CD36: variants seen among roughly 807,000 people sequenced by gnomAD.
CD36 encodes the protein platelet glycoprotein 4.
In CD36, 119 loss-of-function variants were observed where a neutral mutation model predicts 55.2. The ratio of observed to expected loss-of-function variants is 2.15; its 90% confidence interval spans 1.86 to 2.51. CD36 has a LOEUF of 2.51. Ranked by LOEUF, CD36 falls within the 30% of genes most tolerant of loss-of-function variation. The pLI, the probability that CD36 is intolerant of heterozygous loss-of-function variation, is 0.00. For synonymous variants in CD36, 186 were observed against 193.6 expected, an observed-to-expected ratio of 0.96 and a Z score of 0.33; for missense variants, 819 against 555.5, an observed-to-expected ratio of 1.47 and a Z score of -4.77.
At chr7:80,647,605 A>G (rs1795268727) in intron 3 of CD36, among the ~76,000 whole-genome samples, 1 of 152,132 alleles carries the variant, frequency 6.6e-6, no homozygotes, top group Non-Finnish European at 1.5e-5. Flanking sequence ...ACGTTGATTG[A>G]TAGGGGGAAG....
chr7:80,614,076 T>C (rs750175764), intron 1 of CD36, among the ~76,000 whole-genome samples: 10 of 152,186 alleles, frequency 6.6e-5, no homozygotes, highest in Admixed American at 1.3e-4. Context: ...TTAATGCCAA[T>C]CAGCTTTCTT....
intron 7 of CD36, chr7:80,666,190 A>T: frequency 4.5e-6 from 2 of 448,404 alleles, no homozygotes; most frequent in Non-Finnish European, 4.0e-6. Flanking sequence ...TTTTTTTCTT[A>T]TTCCAAGATG....
chr7:80,621,335 A>G (rs1298346647), intron 1 of CD36, among the ~76,000 whole-genome samples: 3 of 152,228 alleles, frequency 2.0e-5, no homozygotes, highest in Admixed American at 2.0e-4. Flanking sequence ...GTATCTGCAG[A>G]GGATGCCTAT....
chr7:80,620,189 C>A (rs186474157), intron 1 of CD36, among the ~76,000 whole-genome samples: 23 of 152,116 alleles, frequency 1.5e-4, no homozygotes, highest in Admixed American at 5.9e-4. Flanking sequence ...TCCACACACA[C>A]ACCAAGCAGC....
At chr7:80,611,245 C>G (rs553207334) in intron 1 of CD36, among the ~76,000 whole-genome samples, 53 of 152,262 alleles carry the variant, frequency 3.5e-4, no homozygotes, top group Non-Finnish European at 6.6e-4. Flanking sequence ...GCTCTGCCCC[C>G]CTGTTGTGAC....
intron 1 of CD36, among the ~76,000 whole-genome samples, chr7:80,611,271 G>T (rs916889029): frequency 1.3e-5 from 2 of 152,168 alleles, no homozygotes; most frequent in Non-Finnish European, 2.9e-5. Flanking sequence ...CATGTTTCTT[G>T]TCTCAGCCTG....
intron 3 of CD36, 115 bp from the exon 4 acceptor site, chr7:80,656,425 T>C (rs1796072613): frequency 1.2e-6 from 1 of 814,526 alleles, no homozygotes; most frequent in Non-Finnish European, 2.1e-6. Context: ...TTCTCATGAA[T>C]GAGGTACTTG....
chr7:80,620,332 G>T (rs1366883039), intron 1 of CD36, among the ~76,000 whole-genome samples: 3 of 152,100 alleles, frequency 2.0e-5, no homozygotes, highest in Non-Finnish European at 4.4e-5. Flanking sequence ...CAAGTCTCCA[G>T]GACTACCGAC....
Position 80,604,350 on chromosome 7 carries a change from A to ATTTTTTTTTTTTTTT in CD36, c.-184+1997_-184+2011dup, listed in dbSNP as rs67213422. Among the ~76,000 whole-genome samples the ATTTTTTTTTTTTTTT allele has an allele frequency of 1.4e-3, 76 of 54,280 alleles. 10 individuals are homozygous for ATTTTTTTTTTTTTTT. The highest frequency in any genetic ancestry group is 3.4e-3 in the South Asian group (6 of 1,744). 35.6% of individuals were successfully genotyped at this position (54,280 alleles called of 152,430 possible). Reference sequence around the variant, plus strand: ...TACAGTAATTGGCTAAGCCACTGGAATTTTTTTTTTTTTTTTTTTTTTTTT... The same window carrying ATTTTTTTTTTTTTTT: ...TACAGTAATTGGCTAAGCCACTGGAATTTTTTTTTTTTTTTTTTTTTTTTTTTTTTTTTTTTTTTT... On this transcript the variant is annotated intron_variant, in intron 1 of 13. Coordinates refer to the CD36 transcript ENST00000309881.
chr7:80,648,388 T>G (rs1795334059), intron 3 of CD36, among the ~76,000 whole-genome samples: 1 of 152,154 alleles, frequency 6.6e-6, no homozygotes, highest in Non-Finnish European at 1.5e-5. Flanking sequence ...TAGACTACTT[T>G]TTTTTGCTGA....
intron 1 of CD36, among the ~76,000 whole-genome samples, chr7:80,643,057 T>A (rs1325831402): frequency 1.3e-5 from 2 of 152,084 alleles, no homozygotes; most frequent in Non-Finnish European, 2.9e-5. Flanking sequence ...TCCATAGAAG[T>A]TATACTAATC....
intron 1 of CD36, among the ~76,000 whole-genome samples, chr7:80,620,150 G>A (rs1175469557): frequency 6.6e-6 from 1 of 152,038 alleles, no homozygotes; most frequent in East Asian, 1.9e-4. Flanking sequence ...CACAAAAGCA[G>A]AGTTCGATGA....
chr7:80,674,364 C>G lies in CD36; in HGVS notation c.*217C>G, dbSNP rs1798058993. On this transcript the variant is annotated intron_variant, in intron 14 of 14. Transcript: ENST00000447544. ...TGGGAGAAATGAGATAAAAGATGTACTTGTGACCATTGTAACAATAGCACA... is the reference window on the plus strand; with the variant it reads ...TGGGAGAAATGAGATAAAAGATGTAGTTGTGACCATTGTAACAATAGCACA... 12 of 503,806 alleles carry G rather than the reference C, an allele frequency of 2.4e-5. No individual in the cohort carries two copies. In the South Asian group the frequency reaches 2.6e-4, roughly 11 times the overall value. The allele number at this position is 503,806 out of a possible 1,614,324, so 31.2% of individuals were successfully genotyped here.
intron 1 of CD36, among the ~76,000 whole-genome samples, chr7:80,609,226 G>C (rs1049021113): frequency 1.3e-5 from 2 of 152,152 alleles, no homozygotes; most frequent in Non-Finnish European, 2.9e-5. Context: ...CTGGTGTCTT[G>C]TTCTTCCAAA....
intron 1 of CD36, among the ~76,000 whole-genome samples, chr7:80,609,560 T>A (rs986790567): frequency 1.3e-5 from 2 of 152,180 alleles, no homozygotes; most frequent in South Asian, 4.1e-4. Context: ...GTTTTTGTTT[T>A]GTTGATTCTC....
intron 4 of CD36, among the ~76,000 whole-genome samples, chr7:80,657,093 A>T (rs1041599696): frequency 2.0e-5 from 3 of 152,168 alleles, no homozygotes; most frequent in Non-Finnish European, 2.9e-5. Context: ...ACATCTTAAA[A>T]TTTAAAGCAT....
intron 8 of CD36, among the ~76,000 whole-genome samples, chr7:80,668,939 A>G (rs950460123): frequency 6.6e-6 from 1 of 152,240 alleles, no homozygotes; most frequent in African/African-American, 2.4e-5. Flanking sequence ...GCCATGGATC[A>G]TAGCTGTAGC....
intron 1 of CD36, among the ~76,000 whole-genome samples, chr7:80,603,136 C>T (rs200086453): frequency 6.6e-6 from 1 of 151,950 alleles, no homozygotes; most frequent in Non-Finnish European, 1.5e-5. Flanking sequence ...AATATGGCTA[C>T]ATAAGATCAG....
At chr7:80,624,842 C>T (rs565403265) in intron 1 of CD36, 1 of 152,018 alleles carries the variant, frequency 6.6e-6, no homozygotes, top group Admixed American at 6.6e-5. Flanking sequence ...AATTTAGATT[C>T]TCTTATATTA....
Sources: gnomAD v4.1 joint callset for allele counts (sites outside exome capture counted in the v4.1 genomes callset) on GRCh38, gnomAD v4.1.1 for gene constraint, MANE v1.5 for transcripts, NCBI Gene and HGNC (gene_info 2026-07-23, HGNC 2026-07-21) for gene names.